DNAI4: variants seen among roughly 807,000 people sequenced by gnomAD.
DNAI4 encodes WD repeat domain 78.
A neutral mutation model predicts 105.8 loss-of-function variants in DNAI4; 85 were observed. That is an observed-to-expected ratio of 0.80 (90% CI 0.67 to 0.96). The LOEUF (loss-of-function observed/expected upper bound fraction) is 0.96. DNAI4 is among the 40% of genes least tolerant of loss of function. The probability of loss-of-function intolerance (pLI) is 0.00; values close to 1 mark genes in which losing one functional copy is unlikely to be tolerated. For missense variants in DNAI4, 1,014 were observed against 1,005.6 expected (o/e 1.01, Z -0.11); for synonymous variants, 352 against 331.5 (o/e 1.06, Z -0.67).
At chr1:66,816,193 G>A (rs542010183) in intron 16 of DNAI4, among the ~76,000 whole-genome samples, 1 of 152,154 alleles carries the variant, frequency 6.6e-6, no homozygotes, top group Admixed American at 6.5e-5. Context: ...AAAATTAAAA[G>A]TAGCAATTAG....
At chr1:66,850,399 C>A in intron 7 of DNAI4, among the ~76,000 whole-genome samples, 1 of 151,178 alleles carries the variant, frequency 6.6e-6, no homozygotes. Context: ...ATGTAGTATT[C>A]TCAGATGAAG....
At chr1:66,911,379 T>C (rs544886822) in intron 1 of DNAI4, among the ~76,000 whole-genome samples, 3 of 152,290 alleles carry the variant, frequency 2.0e-5, no homozygotes, top group African/African-American at 7.2e-5. Context: ...TTGGTTTTTA[T>C]GGAGGTTTTA....
intron 15 of DNAI4, among the ~76,000 whole-genome samples, chr1:66,825,634 C>T (rs1645737823): frequency 6.6e-6 from 1 of 152,170 alleles, no homozygotes; most frequent in African/African-American, 2.4e-5. Context: ...TTGCATACTT[C>T]TTTTAAAAAT....
intron 10 of DNAI4, among the ~76,000 whole-genome samples, chr1:66,836,254 GAGAA>G (rs68091805): frequency 0.098 from 9,691 of 98,770 alleles, 575 homozygotes; most frequent in East Asian, 0.13. Flanking sequence ...AAGAGAGAGA[GAGAA>G]AGAAAGAAAG....
At chr1:66,912,626 A>G (rs1284413497) in intron 1 of DNAI4, among the ~76,000 whole-genome samples, 3 of 152,166 alleles carry the variant, frequency 2.0e-5, no homozygotes, top group Non-Finnish European at 4.4e-5. Context: ...CCGACAATGT[A>G]TAAAACCAAG....
Position 66,907,088 on chromosome 1 carries a change from C to A in DNAI4, c.171-1713G>T, listed in dbSNP as rs1317754120. On this transcript the variant is annotated intron_variant, in intron 1 of 16. Transcript: ENST00000371026. ...TTCCTTTAACTATGTCTTCCTCTAC[C>A]TATTACTATATCTCTCCTTCCTTTC... is the stretch of plus-strand genomic sequence containing the variant. The A allele has an allele frequency of 7.9e-5, 12 of 152,158 alleles. 1 individual carries two copies. Among genetic ancestry groups the A allele is most frequent in the Admixed American group, 7.9e-4 (12 of 15,276 alleles). The allele number at this position is 152,158 out of a possible 1,614,324, so 9.4% of individuals were successfully genotyped here. A position where few individuals can be genotyped will look rare whatever the true frequency, so the allele number is the denominator to read the frequency against.
chr1:66,886,310 T>A (rs1171677549), intron 4 of DNAI4, among the ~76,000 whole-genome samples: 1 of 152,236 alleles, frequency 6.6e-6, no homozygotes. Context: ...CCATAGTTTT[T>A]AAATTTGTAT....
At chr1:66,879,963 G>GTTTTAA (rs1647032961) in intron 4 of DNAI4, among the ~76,000 whole-genome samples, 4 of 152,240 alleles carry the variant, frequency 2.6e-5, no homozygotes, top group African/African-American at 9.6e-5. Flanking sequence ...CCCAATGGGA[G>GTTTTAA]GTGATTGAAT....
chr1:66,900,324 C>A (rs1648704053), intron 2 of DNAI4, among the ~76,000 whole-genome samples: 1 of 152,156 alleles, frequency 6.6e-6, no homozygotes, highest in Non-Finnish European at 1.5e-5. Flanking sequence ...TGGTCTCGAA[C>A]TCCTGGTCTC....
chr1:66,872,575 T>A (rs1032021147), intron 5 of DNAI4, among the ~76,000 whole-genome samples: 1 of 152,110 alleles, frequency 6.6e-6, no homozygotes, highest in Admixed American at 6.6e-5. Context: ...TACTATACCT[T>A]CCTATCATTA....
At chr1:66,860,733 TG>T (rs1410566932) in intron 7 of DNAI4, 1 of 152,126 alleles carries the variant, frequency 6.6e-6, no homozygotes, top group African/African-American at 2.4e-5. Context: ...TGTAGGTCAA[TG>T]GCCTTAATGG....
At chr1:66,877,831 A>C (rs771607758) in intron 4 of DNAI4, among the ~76,000 whole-genome samples, 12 of 151,540 alleles carry the variant, frequency 7.9e-5, no homozygotes, top group Non-Finnish European at 1.6e-4. Flanking sequence ...AATGTCCTTC[A>C]ATTTGTGATT....
chr1:66,888,825 G>A (rs1333029833), intron 4 of DNAI4, among the ~76,000 whole-genome samples: 1 of 152,190 alleles, frequency 6.6e-6, no homozygotes, highest in Non-Finnish European at 1.5e-5. Flanking sequence ...ATGTAGATAA[G>A]CAAAGAAAGG....
At chr1:66,836,202 AAGAAAGAGAGAGAGAGAGAGAG>A (rs1645994995) in intron 10 of DNAI4, among the ~76,000 whole-genome samples, 3 of 50,864 alleles carry the variant, frequency 5.9e-5, no homozygotes, top group African/African-American at 1.9e-4. Flanking sequence ...GAAAGAAAGA[AAGAAAGAGAGAGAGAGAGAGAG>A]AGAGAGAGAG....
chr1:66,909,321 C>G (rs1009218750), intron 1 of DNAI4, among the ~76,000 whole-genome samples: 1 of 151,360 alleles, frequency 6.6e-6, no homozygotes, highest in East Asian at 1.9e-4. Flanking sequence ...CACACACACA[C>G]AGTCTCTCTT....
intron 7 of DNAI4, among the ~76,000 whole-genome samples, chr1:66,850,998 T>A (rs993050125): frequency 9.9e-5 from 15 of 151,724 alleles, no homozygotes; most frequent in Admixed American, 2.6e-4. Flanking sequence ...AACATGCGAA[T>A]AAAAAATTAA....
At chr1:66,837,517 GAATT>G (rs1273021496) in intron 10 of DNAI4, 189 bp downstream of exon 10, 16 of 646,538 alleles carry the variant, frequency 2.5e-5, no homozygotes, top group South Asian at 2.2e-4. Context: ...TTTACTGAAT[GAATT>G]AATAAATGAA....
At chr1:66,829,626 G>A (rs1229071598) in intron 13 of DNAI4, among the ~76,000 whole-genome samples, 2 of 152,160 alleles carry the variant, frequency 1.3e-5, no homozygotes, top group African/African-American at 2.4e-5. Context: ...TATGGTTGGA[G>A]ACTTTATTAC....
At chr1:66,886,940 A>AC (rs1204509939) in intron 4 of DNAI4, among the ~76,000 whole-genome samples, 6 of 110,792 alleles carry the variant, frequency 5.4e-5, no homozygotes, top group Non-Finnish European at 7.4e-5. Context: ...AATTTCCCCC[A>AC]CCCCCCATCC....
Sources: gnomAD v4.1 joint callset for allele counts (sites outside exome capture counted in the v4.1 genomes callset) on GRCh38, gnomAD v4.1.1 for gene constraint, MANE v1.5 for transcripts, NCBI Gene and HGNC (gene_info 2026-07-23, HGNC 2026-07-21) for gene names.